The following UVRAG variants were observed in gnomAD, a reference collection of about 807,000 sequenced individuals.
The protein encoded by UVRAG is UV radiation resistance associated.
In UVRAG, 19 loss-of-function variants were observed where a neutral mutation model predicts 78.0. That is an observed-to-expected ratio of 0.24 (90% confidence interval 0.17 to 0.36). UVRAG has a LOEUF of 0.36. UVRAG is among the 10% of genes least tolerant of loss of function. The pLI is 1.00. For missense variants in UVRAG, 740 were observed against 853.8 expected (o/e 0.87, Z 1.66); for synonymous variants, 323 against 324.6 (o/e 1.00, Z 0.05).
chr11:75,896,273 G>A (rs760620443), intron 5 of UVRAG, among the ~76,000 whole-genome samples: 5 of 152,124 alleles, frequency 3.3e-5, no homozygotes, highest in South Asian at 2.1e-4. Context: ...GGGTTTAACC[G>A]CTATGATGGT....
At chr11:75,866,357 C>CAATAAATAAATA (rs376334935) in intron 3 of UVRAG, among the ~76,000 whole-genome samples, 152 of 148,800 alleles carry the variant, frequency 1.0e-3, no homozygotes, top group African/African-American at 3.6e-3. Flanking sequence ...CCCATCTCTA[C>CAATAAATAAATA]AATAAATAAA....
chr11:75,838,883 G>A (rs1945846608), intron 1 of UVRAG: 1 of 152,274 alleles, frequency 6.6e-6, no homozygotes, highest in African/African-American at 2.4e-5. Flanking sequence ...AGTGGGTTAA[G>A]GGGTTATCAT....
At chr11:75,829,074 C>CT (rs1024850459) in intron 1 of UVRAG, among the ~76,000 whole-genome samples, 10 of 151,698 alleles carry the variant, frequency 6.6e-5, no homozygotes, top group Non-Finnish European at 1.2e-4. Flanking sequence ...TTTTTGGTTT[C>CT]TTTTTTTGAG....
At chr11:75,841,153 C>G (rs967601289) in intron 1 of UVRAG, among the ~76,000 whole-genome samples, 2 of 152,034 alleles carry the variant, frequency 1.3e-5, no homozygotes, top group African/African-American at 4.8e-5. Flanking sequence ...AAATGTCTGA[C>G]CTGAGAAAGA....
chr11:75,842,592 C>T (rs1945941769), intron 1 of UVRAG, among the ~76,000 whole-genome samples: 5 of 152,078 alleles, frequency 3.3e-5, no homozygotes. Flanking sequence ...CAGGCGCCCG[C>T]CATCATTCCC....
rs978568283 is a variant in UVRAG at position 76,067,363 on chromosome 11, A to G, written c.1305+1575A>G. ...TGGCAGACAAGTATTTCATTCAAAGAAGCAGGGCTTTAATTCCAAGACTGC... is the reference window on the plus strand; with the variant it reads ...TGGCAGACAAGTATTTCATTCAAAGGAGCAGGGCTTTAATTCCAAGACTGC... On this transcript the variant is annotated intron_variant, in intron 13 of 14. Transcript: ENST00000356136. Among the ~76,000 whole-genome samples, 16 of 152,290 alleles carry G rather than the reference A, an allele frequency of 1.1e-4. No homozygotes were observed. The East Asian group carries it at 3.1e-3, about 29-fold the overall frequency.
At chr11:75,842,406 A>G (rs1465671514) in intron 1 of UVRAG, among the ~76,000 whole-genome samples, 3 of 149,130 alleles carry the variant, frequency 2.0e-5, no homozygotes, top group Admixed American at 6.7e-5. Flanking sequence ...GACTAGTTCC[A>G]TTACTTTTCC....
At chr11:76,057,374 G>A (rs376534144) in intron 12 of UVRAG, among the ~76,000 whole-genome samples, 5 of 152,132 alleles carry the variant, frequency 3.3e-5, no homozygotes, top group African/African-American at 1.2e-4. Flanking sequence ...TATCACTTAT[G>A]GGGGAAGGTT....
At chr11:76,097,879 C>T (rs1425304695) in intron 13 of UVRAG, among the ~76,000 whole-genome samples, 3 of 152,016 alleles carry the variant, frequency 2.0e-5, no homozygotes, top group Non-Finnish European at 4.4e-5. Context: ...TACTCCTTAC[C>T]GCCTATAGTT....
chr11:75,840,130 C>A (rs1382946323), intron 1 of UVRAG, among the ~76,000 whole-genome samples: 2 of 151,786 alleles, frequency 1.3e-5, no homozygotes, highest in Non-Finnish European at 2.9e-5. Context: ...CTTCATTGGT[C>A]TTATATTTCT....
intron 7 of UVRAG, among the ~76,000 whole-genome samples, chr11:75,962,384 C>T (rs1342392535): frequency 6.6e-6 from 1 of 152,034 alleles, no homozygotes; most frequent in African/African-American, 2.4e-5. Flanking sequence ...TGAAGATTTG[C>T]CCAAGATAAT....
chr11:76,090,307 G>T (rs1951672960), intron 13 of UVRAG, among the ~76,000 whole-genome samples: 1 of 152,164 alleles, frequency 6.6e-6, no homozygotes, highest in Non-Finnish European at 1.5e-5. Context: ...AGCATGGTGT[G>T]CAGACTGTAT....
intron 3 of UVRAG, among the ~76,000 whole-genome samples, chr11:75,877,461 G>T (rs1185871692): frequency 1.3e-5 from 2 of 149,872 alleles, no homozygotes; most frequent in African/African-American, 4.9e-5. Flanking sequence ...CGGACGGGGG[G>T]TGACCCCCCC....
intron 3 of UVRAG, among the ~76,000 whole-genome samples, chr11:75,872,876 A>T (rs1303938143): frequency 6.6e-6 from 1 of 152,240 alleles, no homozygotes; most frequent in Non-Finnish European, 1.5e-5. Flanking sequence ...ATATATAGTC[A>T]AATTAGTAGT....
chr11:75,826,290 A>G (rs1035739885), intron 1 of UVRAG, among the ~76,000 whole-genome samples: 8 of 151,662 alleles, frequency 5.3e-5, no homozygotes, highest in African/African-American at 1.9e-4. Context: ...AGAGTAGCTG[A>G]TATTACAGGT....
intron 1 of UVRAG, among the ~76,000 whole-genome samples, chr11:75,824,140 G>A (rs537671319): frequency 1.3e-5 from 2 of 152,186 alleles, no homozygotes; most frequent in South Asian, 2.1e-4. Flanking sequence ...CTACCATGCC[G>A]TGTACATTCA....
chr11:75,877,602 C>T (rs1590963800), intron 3 of UVRAG, among the ~76,000 whole-genome samples: 1 of 134,796 alleles, frequency 7.4e-6, no homozygotes, highest in South Asian at 2.5e-4. Flanking sequence ...GCTGGCCGGG[C>T]GGGGGGCTGA....
chr11:75,911,628 G>T, intron 5 of UVRAG: 1 of 212,430 alleles, frequency 4.7e-6, no homozygotes, highest in South Asian at 9.4e-5. Flanking sequence ...CGGGGTCTGG[G>T]GGCTGTTGTC....
At chr11:75,941,447 C>G (rs1189164356) in intron 6 of UVRAG, among the ~76,000 whole-genome samples, 1 of 152,096 alleles carries the variant, frequency 6.6e-6, no homozygotes, top group Non-Finnish European at 1.5e-5. Context: ...ATGCTTGGGA[C>G]TAGAAGTTTC....
Sources: allele counts gnomAD v4.1 joint callset (sites outside exome capture counted in the v4.1 genomes callset), GRCh38; gene constraint gnomAD v4.1.1; transcripts MANE v1.5; gene names NCBI Gene and HGNC (gene_info 2026-07-23, HGNC 2026-07-21).